The following MAP3K5 variants were observed in gnomAD, a reference collection of about 807,000 sequenced individuals.
The protein encoded by MAP3K5 is mitogen-activated protein kinase kinase kinase 5, also known as ASK-1.
In MAP3K5, 56 loss-of-function variants were observed where a neutral mutation model predicts 158.7. The observed-to-expected ratio is 0.35, with a 90% confidence interval of 0.28 to 0.44. The LOEUF (loss-of-function observed/expected upper bound fraction) is 0.44. MAP3K5 is among the 20% of genes least tolerant of loss of function. The pLI is 1.00. For missense variants in MAP3K5, 1,294 were observed against 1,674.8 expected (o/e 0.77, Z 3.97); for synonymous variants, 579 against 601.7 (o/e 0.96, Z 0.55).
chr6:136,640,726 T>G (rs936320118), intron 12 of MAP3K5, among the ~76,000 whole-genome samples: 5 of 152,206 alleles, frequency 3.3e-5, no homozygotes, highest in African/African-American at 1.2e-4. Context: ...GACTCAACAT[T>G]TGACACACAG....
chr6:136,735,761 C>G (rs1319910182), intron 1 of MAP3K5, among the ~76,000 whole-genome samples: 1 of 152,156 alleles, frequency 6.6e-6, no homozygotes, highest in East Asian at 1.9e-4. Flanking sequence ...CCCGGGAGTT[C>G]AAGGTTACAG....
chr6:136,735,004 T>C (rs564540644), intron 1 of MAP3K5, among the ~76,000 whole-genome samples: 3 of 152,350 alleles, frequency 2.0e-5, no homozygotes, highest in East Asian at 3.9e-4. Flanking sequence ...AATCGTCCTA[T>C]ACCTCTACAA....
chr6:136,763,704 G>GTTT (rs1453303909), intron 1 of MAP3K5, among the ~76,000 whole-genome samples: 3 of 152,182 alleles, frequency 2.0e-5, no homozygotes, highest in African/African-American at 7.2e-5. Flanking sequence ...AGCTACTGCT[G>GTTT]TGGTTTGAAC....
intron 7 of MAP3K5, among the ~76,000 whole-genome samples, chr6:136,693,223 T>C (rs1270678026): frequency 6.6e-6 from 1 of 152,226 alleles, no homozygotes; most frequent in African/African-American, 2.4e-5. Flanking sequence ...TAGACTCATG[T>C]ATATCTTAGT....
intron 13 of MAP3K5, among the ~76,000 whole-genome samples, 198 bp from the exon 14 acceptor site, chr6:136,637,604 T>C (rs1777701995): frequency 6.6e-6 from 1 of 152,088 alleles, no homozygotes; most frequent in African/African-American, 2.4e-5. Context: ...TTCTAGAAAT[T>C]TCTAACCTAA....
At chr6:136,780,135 T>C (rs141020079) in intron 1 of MAP3K5, among the ~76,000 whole-genome samples, 185 of 152,344 alleles carry the variant, frequency 1.2e-3, no homozygotes, top group Middle Eastern at 3.4e-3. Flanking sequence ...CTGGGAATTA[T>C]CAGATTTTAA....
At chr6:136,722,840 C>T (rs1288871421) in intron 1 of MAP3K5, among the ~76,000 whole-genome samples, 2 of 151,814 alleles carry the variant, frequency 1.3e-5, no homozygotes, top group Admixed American at 6.6e-5. Context: ...GCATGTGTCA[C>T]CATGCCTGGC....
chr6:136,738,942 G>GCA lies in MAP3K5; in HGVS notation c.449-18355_449-18354dup, dbSNP rs59144448. Reference sequence around the variant, plus strand: ...AAGTCATCCAAACACACACACGCGTGCACACACACACACACACACACACAC... The same window carrying GCA: ...AAGTCATCCAAACACACACACGCGTGCACACACACACACACACACACACACAC... On this transcript the variant is annotated intron_variant, in intron 1 of 29. Coordinates refer to ENST00000359015, the MANE Select transcript of MAP3K5 (RefSeq NM_005923.4). 4.4e-3 allele frequency among the ~76,000 whole-genome samples: 653 copies of GCA among 149,770 alleles called. 3 individuals carry two copies. Among genetic ancestry groups the GCA allele is most frequent in the African/African-American group, 9.2e-3 (378 of 40,930 alleles).
At position 136,791,609 on chromosome 6, in the gene MAP3K5, GA is replaced by G. The variant is rs1785079673; in HGVS notation, c.448+100del. 5 of 1,322,852 alleles carry G rather than the reference GA, an allele frequency of 3.8e-6. No homozygotes were observed. In the East Asian group the frequency reaches 1.2e-4, roughly 30 times the overall value. The allele number at this position is 1,322,852 out of a possible 1,614,324, so 81.9% of individuals were successfully genotyped here. A position where few individuals can be genotyped will look rare whatever the true frequency, so the allele number is the denominator to read the frequency against. ...GCTCGCTGCCCCCAAAGTGGGGCAA[GA>G]AGTAAATGCTTCCCGCCCAGAAAAA... is the stretch of plus-strand genomic sequence containing the variant. On this transcript the variant is annotated intron_variant, in intron 1 of 29. Coordinates refer to ENST00000359015, the MANE Select transcript of MAP3K5 (RefSeq NM_005923.4).
chr6:136,772,426 A>G (rs1784243966), intron 1 of MAP3K5, among the ~76,000 whole-genome samples: 1 of 152,040 alleles, frequency 6.6e-6, no homozygotes, highest in Admixed American at 6.6e-5. Context: ...GGCAGAAGGG[A>G]GTTCATTCCA....
At chr6:136,576,109 TA>T (rs1377742801) in intron 25 of MAP3K5, among the ~76,000 whole-genome samples, 1 of 152,222 alleles carries the variant, frequency 6.6e-6, no homozygotes, top group East Asian at 1.9e-4. Context: ...TATATTTATT[TA>T]TTCAATTATT....
chr6:136,629,684 G>A (rs1777229397), intron 14 of MAP3K5, among the ~76,000 whole-genome samples: 1 of 152,038 alleles, frequency 6.6e-6, no homozygotes, highest in Admixed American at 6.5e-5. Flanking sequence ...TCAATCTCCT[G>A]ACCTCATGAT....
In MAP3K5 at chr6:136,688,401, C is replaced by T. The variant is rs549604901; in HGVS notation, c.1253+5739G>A. Among the ~76,000 whole-genome samples the T allele has an allele frequency of 1.6e-4, 24 of 152,096 alleles. 1 individual carries two copies. Among genetic ancestry groups the T allele is most frequent in the Middle Eastern group, 6.8e-3 (2 of 294 alleles). ...AAAACTGCACATTCTGGACATGTATCCCAGAACTTAAAGTATAATTTAAAA... is the reference window on the plus strand; with the variant it reads ...AAAACTGCACATTCTGGACATGTATTCCAGAACTTAAAGTATAATTTAAAA... On this transcript the variant is annotated intron_variant, in intron 7 of 29. Transcript: ENST00000359015.
At chr6:136,665,068 C>A (rs1049273841) in intron 8 of MAP3K5, among the ~76,000 whole-genome samples, 1 of 152,152 alleles carries the variant, frequency 6.6e-6, no homozygotes, top group South Asian at 2.1e-4. Flanking sequence ...CTGGGTCTTC[C>A]CATTCTACAG....
chr6:136,653,227 A>C (rs950241930), intron 10 of MAP3K5, among the ~76,000 whole-genome samples: 6 of 152,228 alleles, frequency 3.9e-5, no homozygotes, highest in Non-Finnish European at 7.3e-5. Flanking sequence ...AGGTAAGAAA[A>C]AAGAATAAAT....
intron 21 of MAP3K5, among the ~76,000 whole-genome samples, chr6:136,600,473 C>T (rs113853210): frequency 0.033 from 5,006 of 152,100 alleles, 246 homozygotes; most frequent in African/African-American, 0.11. Context: ...AGACTATAGG[C>T]GTGAACCACC....
At chr6:136,737,250 G>A (rs1448681384) in intron 1 of MAP3K5, among the ~76,000 whole-genome samples, 2 of 145,612 alleles carry the variant, frequency 1.4e-5, no homozygotes, top group Admixed American at 1.4e-4. Context: ...GGGAGGGTGG[G>A]AAGGGGGCGA....
intron 25 of MAP3K5, among the ~76,000 whole-genome samples, chr6:136,572,768 A>C (rs1251650723): frequency 6.6e-6 from 1 of 152,200 alleles, no homozygotes; most frequent in Non-Finnish European, 1.5e-5. Flanking sequence ...TTGGTCTTTC[A>C]TGGTGGTTCC....
chr6:136,648,399 A>G (rs966771581), intron 11 of MAP3K5, among the ~76,000 whole-genome samples: 3 of 152,162 alleles, frequency 2.0e-5, no homozygotes, highest in Non-Finnish European at 4.4e-5. Context: ...TAAAAGTGTC[A>G]GCTTGGACAG....
Sources: allele counts gnomAD v4.1 joint callset (sites outside exome capture counted in the v4.1 genomes callset), GRCh38; gene constraint gnomAD v4.1.1; transcripts MANE v1.5; gene names NCBI Gene and HGNC (gene_info 2026-07-23, HGNC 2026-07-21).